LPL: variants seen among roughly 807,000 people sequenced by gnomAD.
LPL encodes the protein phospholipase A1.
In LPL, 43 loss-of-function variants were observed where a neutral mutation model predicts 52.2. That is an observed-to-expected ratio of 0.82 (90% confidence interval 0.64 to 1.06). The LOEUF (loss-of-function observed/expected upper bound fraction) is 1.06, where lower values mean the gene tolerates loss of function less well. LPL is among the 50% of genes least tolerant of loss of function. The pLI is 0.00. For missense variants in LPL, 639 were observed against 585.3 expected, an observed-to-expected ratio of 1.09 and a Z score of -0.95; for synonymous variants, 244 against 215.6, an observed-to-expected ratio of 1.13 and a Z score of -1.15.
rs958492068 is a variant in LPL, at chr8:19,966,621, C to A, written c.*1311C>A. On this transcript the variant is annotated 3_prime_UTR_variant, in exon 10 of 10. Coordinates refer to ENST00000650287, the MANE Select transcript of LPL (RefSeq NM_000237.3). ...ACTGTGAAAGTATGTGATATCTGAA[C>A]ACATACTAGAAAGCTCTGCATGTGT... 6.6e-6 allele frequency: 1 copy of A among 152,192 alleles called. No individual in the cohort carries two copies. The highest frequency in any genetic ancestry group is 1.5e-5 in the Non-Finnish European group (1 of 68,042). The allele number at this position is 152,192 out of a possible 1,614,324, so 9.4% of individuals were successfully genotyped here.
In LPL at chr8:19,966,039, A is replaced by G. The variant is rs575395509; in HGVS notation, c.*729A>G. 29 of 151,838 alleles carry G rather than the reference A, an allele frequency of 1.9e-4. No individual in the cohort carries two copies. Among genetic ancestry groups the G allele is most frequent in the African/African-American group, 7.0e-4 (29 of 41,346 alleles). 9.4% of individuals were successfully genotyped at this position (151,838 alleles called of 1,614,324 possible). ...CTCTCTCCCCCTTCTTTTTTGTCTC[A>G]AGATTATATTATAATAATGTTCTCT... On this transcript the variant is annotated 3_prime_UTR_variant, in exon 10 of 10. Transcript: ENST00000650287.
chr8:19,955,930 T>C lies in LPL; in HGVS notation c.865T>C (p.Tyr289His), dbSNP rs1161884343. 1.9e-6 allele frequency: 3 copies of C among 1,614,060 alleles called. No individual in the cohort carries two copies. The highest frequency in any genetic ancestry group is 2.7e-5 in the African/African-American group (2 of 74,934). ...GAATGAAGAAAATCCAAGTAAGGCCTACAGGTGCAGTTCCAAGGAAGCCTT... is the reference window on the plus strand; with the variant it reads ...GAATGAAGAAAATCCAAGTAAGGCCCACAGGTGCAGTTCCAAGGAAGCCTT... ...LLNEENPSKA[Y>H]RCSSKEAFEK... Residue 289 changes from tyrosine (Y) to histidine (H), a missense_variant, in exon 6 of 10, where the codon TAC (tyrosine) becomes CAC (histidine). Physicochemically the swap from Tyr to His is moderately conservative, Grantham distance 83. Coordinates refer to ENST00000650287, the MANE Select transcript of LPL (RefSeq NM_000237.3).
In LPL at chr8:19,939,824, C is replaced by T. The variant is rs2069815274; in HGVS notation, c.88+296C>T. 6.6e-6 allele frequency among the ~76,000 whole-genome samples: 1 copy of T among 152,182 alleles called. No homozygotes were observed. Among genetic ancestry groups the T allele is most frequent in the African/African-American group, 2.4e-5 (1 of 41,460 alleles). On this transcript the variant is annotated intron_variant, in intron 1 of 9. Coordinates refer to ENST00000650287, the MANE Select transcript of LPL (RefSeq NM_000237.3). The surrounding 1 kb of genome is among the most constrained non-coding windows in gnomAD (Gnocchi z 4.0). ...CGCGTTCCCGGGCTCGCAGGCTCCG[C>T]CGGGGAGGTTCCGGGGTGTGGGGGC...
In LPL at chr8:19,950,678, C is replaced by T. The variant is rs962480213; in HGVS notation, c.250-1091C>T. Among the ~76,000 whole-genome samples, 1 of 152,132 alleles carries T rather than the reference C, an allele frequency of 6.6e-6. No homozygotes were observed. The stretch of plus-strand genomic sequence containing the variant: ...AATTAGCCAGGTGTGGTGGTATGTG[C>T]TTGTAGTCCCAGCTACTCAGGAGGC... On this transcript the variant is annotated intron_variant, in intron 2 of 9. Coordinates refer to ENST00000650287, the MANE Select transcript of LPL (RefSeq NM_000237.3). This position sits in a 1 kb window ranked among gnomAD's most constrained non-coding sequence, Gnocchi z 4.2.
At chr8:19,946,146 T>C (rs2069880017) in intron 1 of LPL, among the ~76,000 whole-genome samples, 1 of 152,176 alleles carries the variant, frequency 6.6e-6, no homozygotes. Flanking sequence ...GAGCATATTC[T>C]TGGTGGATGA....
Position 19,939,623 on chromosome 8 carries a change from C to A in LPL, c.88+95C>A. The A allele has an allele frequency of 2.3e-6, 3 of 1,286,768 alleles. No individual in the cohort carries two copies. The highest frequency in any genetic ancestry group is 5.1e-5 in the East Asian group (2 of 39,594). 79.7% of individuals were successfully genotyped at this position (1,286,768 alleles called of 1,614,324 possible). A position where few individuals can be genotyped will look rare whatever the true frequency, so the allele number is the denominator to read the frequency against. On this transcript the variant is annotated intron_variant, in intron 1 of 9. Transcript: ENST00000650287. This position sits in a 1 kb window ranked among gnomAD's most constrained non-coding sequence, Gnocchi z 4.0. Reference sequence around the variant, plus strand: ...ATGAGAAGAAGGAAGTTGGAAGGGGCGGTGGATGCGCCCAGGGACTCTCCC... The same window carrying A: ...ATGAGAAGAAGGAAGTTGGAAGGGGAGGTGGATGCGCCCAGGGACTCTCCC...
chr8:19,963,474 A>G (rs2128840046), intron 9 of LPL, among the ~76,000 whole-genome samples: 1 of 151,780 alleles, frequency 6.6e-6, no homozygotes, highest in South Asian at 2.1e-4. Context: ...AAAGTATATT[A>G]AAGACCCTAT....
chr8:19,962,201 T>C lies in LPL; in HGVS notation c.1409T>C (p.Leu470Pro), dbSNP rs773571137. The change falls in exon 9 of 10, where the codon CTG becomes CCG. Residue 470 changes from leucine (L) to proline (P), a missense_variant. Physicochemically the swap from Leu to Pro is moderately conservative, Grantham distance 98. Coordinates refer to ENST00000650287, the MANE Select transcript of LPL (RefSeq NM_000237.3). The stretch of plus-strand genomic sequence containing the variant: ...TTTGTGAAATGCCATGACAAGTCTC[T>C]GAATAAGAAGTCAGGCTGGTGAGCA... Reference protein sequence around the residue: ...AVFVKCHDKSLNKKSG With the variant: ...AVFVKCHDKSPNKKSG 1.9e-6 allele frequency: 3 copies of C among 1,613,728 alleles called. No homozygotes were observed. The highest frequency in any genetic ancestry group is 1.1e-5 in the South Asian group (1 of 91,074).
chr8:19,958,709 G>A (rs1260400726), intron 6 of LPL, among the ~76,000 whole-genome samples: 1 of 152,142 alleles, frequency 6.6e-6, no homozygotes, highest in African/African-American at 2.4e-5. Context: ...GTTCTATGAT[G>A]CACCTACTAG....
intron 9 of LPL, among the ~76,000 whole-genome samples, chr8:19,963,169 T>C (rs1407402788): frequency 6.6e-6 from 1 of 152,174 alleles, no homozygotes; most frequent in Non-Finnish European, 1.5e-5. Context: ...AAGAATTGCC[T>C]TCATGCCTGC....
At chr8:19,962,993 T>A (rs2070053316) in intron 9 of LPL, among the ~76,000 whole-genome samples, 2 of 152,166 alleles carry the variant, frequency 1.3e-5, no homozygotes, top group Non-Finnish European at 2.9e-5. Context: ...CAGCAAGTGC[T>A]AATGGGTTAC....
intron 6 of LPL, 139 bp from the exon 7 acceptor site, chr8:19,959,121 C>T: frequency 1.0e-6 from 1 of 991,726 alleles, no homozygotes; most frequent in South Asian, 1.4e-5. Flanking sequence ...CTTTCCAAGC[C>T]ACACCAGTGG....
rs569606148 is a variant in LPL, at chr8:19,962,498, T to C, written c.1427+279T>C. Among the ~76,000 whole-genome samples the C allele has an allele frequency of 1.8e-3, 274 of 152,346 alleles. 1 individual carries two copies. The highest frequency in any genetic ancestry group is 5.6e-3 in the South Asian group (27 of 4,830). On this transcript the variant is annotated intron_variant, in intron 9 of 9. Coordinates refer to ENST00000650287, the MANE Select transcript of LPL (RefSeq NM_000237.3). ...TTTATTTTACTCCTTGAACTACCCCTGAATCTTCACTTCTCCTTTTTTCTC... is the reference window on the plus strand; with the variant it reads ...TTTATTTTACTCCTTGAACTACCCCCGAATCTTCACTTCTCCTTTTTTCTC...
At position 19,955,821 on chromosome 8, in the gene LPL, GGT is replaced by G. The variant is rs1563576393; in HGVS notation, c.776-17_776-16del. ...TGAATTTCTGCCGAGATACAATCTT[GGT>G]GTCTCTTTTTTACCCAGATGTGGAC... On this transcript the variant is annotated intron_variant, in intron 5 of 9. Transcript: ENST00000650287. 1.2e-6 allele frequency: 2 copies of G among 1,614,036 alleles called. No homozygotes were observed. Among genetic ancestry groups the G allele is most frequent in the South Asian group, 1.1e-5 (1 of 91,060 alleles).
chr8:19,944,714 T>C lies in LPL; in HGVS notation c.89-3466T>C, dbSNP rs1209033231. Among the ~76,000 whole-genome samples the C allele has an allele frequency of 6.6e-6, 1 of 152,244 alleles. No homozygotes were observed. The highest frequency in any genetic ancestry group is 1.5e-5 in the Non-Finnish European group (1 of 68,042). On this transcript the variant is annotated intron_variant, in intron 1 of 9. Transcript: ENST00000650287. The surrounding 1 kb of genome is among the most constrained non-coding windows in gnomAD (Gnocchi z 4.2). ...GCTTTAACTTCTCAGCCTAATTTCG[T>C]CTCTGTGAGTTATTATCTATGTTAG...
intron 6 of LPL, 23 bp downstream of exon 6, chr8:19,956,106 T>C (rs1172102487): frequency 8.1e-6 from 13 of 1,613,708 alleles, no homozygotes; most frequent in Non-Finnish European, 1.0e-5. Context: ...CTGTTGTAAA[T>C]AAGGAAACCA....
At chr8:19,948,428 C>A in intron 2 of LPL, 88 bp downstream of exon 2, 1 of 1,443,128 alleles carries the variant, frequency 6.9e-7, no homozygotes, top group Non-Finnish European at 9.6e-7. Context: ...AGTGATGGGT[C>A]CGCACCCCAC....
intron 3 of LPL, among the ~76,000 whole-genome samples, chr8:19,952,954 A>C (rs2069948357): frequency 6.6e-6 from 1 of 152,234 alleles, no homozygotes; most frequent in Admixed American, 6.5e-5. Context: ...ATATGTTTGT[A>C]CGTATAGTAT....
intron 6 of LPL, among the ~76,000 whole-genome samples, chr8:19,957,015 G>T (rs1430038677): frequency 6.6e-6 from 1 of 152,044 alleles, no homozygotes; most frequent in African/African-American, 2.4e-5. Flanking sequence ...GTAGAGAGGG[G>T]GTTTCACCGT....
Sources: gnomAD v4.1 joint callset for allele counts (sites outside exome capture counted in the v4.1 genomes callset) on GRCh38, gnomAD v4.1.1 for gene constraint, Gnocchi (gnomAD v3.1) non-coding constraint, MANE v1.5 for transcripts, NCBI Gene and HGNC (gene_info 2026-07-23, HGNC 2026-07-21) for gene names.